CLDN16: variants seen among roughly 807,000 people sequenced by gnomAD.
The protein encoded by CLDN16 is claudin-16.
In CLDN16, 13 loss-of-function variants were observed where a neutral mutation model predicts 24.6. That is an observed-to-expected ratio of 0.53 (90% CI 0.34 to 0.84). The LOEUF (loss-of-function observed/expected upper bound fraction) is 0.84. Ranked by LOEUF, CLDN16 falls within the 40% of genes least tolerant of loss-of-function variation. CLDN16 has a pLI of 0.01. For missense variants in CLDN16, 298 were observed against 292.7 expected, an observed-to-expected ratio of 1.02 and a Z score of -0.13; for synonymous variants, 116 against 106.7, an observed-to-expected ratio of 1.09 and a Z score of -0.54.
chr3:190,308,379 T>C, the CLDN16 span: 1 of 1,613,526 alleles, frequency 6.2e-7, no homozygotes, highest in Non-Finnish European at 8.5e-7. Flanking sequence ...GTAGGGCACC[T>C]CCCAGAAGGC....
At chr3:190,395,288 A>G (rs1482425632) in intron 1 of CLDN16, among the ~76,000 whole-genome samples, 1 of 152,090 alleles carries the variant, frequency 6.6e-6, no homozygotes, top group African/African-American at 2.4e-5. Context: ...CAGAACTAAA[A>G]CAAATAAATT....
At chr3:190,311,111 G>A in the CLDN16 span, among the ~76,000 whole-genome samples, 2 of 152,246 alleles carry the variant, frequency 1.3e-5, 1 homozygote, top group Admixed American at 1.3e-4. Flanking sequence ...AAACACTATT[G>A]CTTTTGGCTT....
At chr3:190,391,958 C>G (rs551268639) in intron 1 of CLDN16, among the ~76,000 whole-genome samples, 7 of 151,806 alleles carry the variant, frequency 4.6e-5, no homozygotes, top group Middle Eastern at 3.2e-3. Flanking sequence ...CATCTTAACC[C>G]TTATTAACTG....
rs377031741 is a variant in CLDN16, at chr3:190,401,951, T to TTA, written c.115-372_115-371dup. 7.0e-3 allele frequency among the ~76,000 whole-genome samples: 1,057 copies of TTA among 151,254 alleles called. 44 individuals carry two copies. Among genetic ancestry groups the TTA allele is most frequent in the Admixed American group, 0.063 (951 of 15,164 alleles). ...AGGTGTCAACAGTTATCATCTATTG[T>TTA]TATATATATATATATTTTTTGGTGA... On this transcript the variant is annotated intron_variant, in intron 1 of 4. Transcript: ENST00000264734.
upstream of CLDN16, among the ~76,000 whole-genome samples, chr3:190,321,555 T>A (rs1344905946): frequency 6.6e-6 from 1 of 152,228 alleles, no homozygotes; most frequent in East Asian, 1.9e-4. Flanking sequence ...ATTATTTATT[T>A]AAGCGTGCAC....
At chr3:190,380,978 T>C (rs1718358893) in intron 3 of CLDN16, among the ~76,000 whole-genome samples, 1 of 151,304 alleles carries the variant, frequency 6.6e-6, no homozygotes, top group Non-Finnish European at 1.5e-5. Flanking sequence ...AGATGAACAA[T>C]GAGTGTGAGT....
chr3:190,327,679 C>T (rs1164010258), intron 1 of CLDN16, among the ~76,000 whole-genome samples: 1 of 152,150 alleles, frequency 6.6e-6, no homozygotes, highest in East Asian at 1.9e-4. Flanking sequence ...TATCAGTTAC[C>T]TCCTTTGTAT....
intron 1 of CLDN16, among the ~76,000 whole-genome samples, chr3:190,368,447 G>T (rs2108645888): frequency 6.6e-6 from 1 of 152,076 alleles, no homozygotes; most frequent in Admixed American, 6.5e-5. Context: ...ATGATCCATA[G>T]AAAGAAATGA....
At chr3:190,385,531 T>C (rs1448584130), upstream of CLDN16, among the ~76,000 whole-genome samples, 2 of 151,912 alleles carry the variant, frequency 1.3e-5, no homozygotes, top group Non-Finnish European at 2.9e-5. Context: ...ACATACAATG[T>C]TCAGTGACCA....
upstream of CLDN16, chr3:190,322,193 C>A (rs1339820363): frequency 1.1e-5 from 18 of 1,613,800 alleles, no homozygotes; most frequent in Non-Finnish European, 1.5e-5. Context: ...CAGCTGCAGC[C>A]CCGCGTTGGC....
At chr3:190,389,016 A>G (rs958919256) in intron 1 of CLDN16, among the ~76,000 whole-genome samples, 1 of 152,220 alleles carries the variant, frequency 6.6e-6, no homozygotes, top group African/African-American at 2.4e-5. Context: ...ATCCCAATGT[A>G]CGGGGGACAG....
chr3:190,370,172 A>T (rs1455848289), intron 1 of CLDN16, among the ~76,000 whole-genome samples: 6 of 151,974 alleles, frequency 3.9e-5, no homozygotes, highest in Non-Finnish European at 8.8e-5. Context: ...TTTAAGAAAT[A>T]TCTTAGAAGC....
At chr3:190,404,218 C>T (rs77136700) in intron 2 of CLDN16, among the ~76,000 whole-genome samples, 21,169 of 152,130 alleles carry the variant, frequency 0.14, 1,529 homozygotes, top group Middle Eastern at 0.21. Flanking sequence ...ATAGCACAAA[C>T]TAACTCTCCT....
chr3:190,384,245 G>C (rs1241679298), upstream of CLDN16, among the ~76,000 whole-genome samples: 1 of 152,146 alleles, frequency 6.6e-6, no homozygotes, highest in African/African-American at 2.4e-5. Context: ...GTATAAGTCA[G>C]TTTACTCCTT....
chr3:190,308,370 T>A, the CLDN16 span: 1 of 1,613,780 alleles, frequency 6.2e-7, no homozygotes, highest in Non-Finnish European at 8.5e-7. Context: ...AACAGCAAAG[T>A]AGGGCACCTC....
chr3:190,348,745 C>T (rs1167142471), intron 1 of CLDN16, among the ~76,000 whole-genome samples: 3 of 152,092 alleles, frequency 2.0e-5, no homozygotes, highest in Non-Finnish European at 4.4e-5. Context: ...GTTTGTTGTA[C>T]AGATTATTTC....
rs34203533 is a variant in CLDN16 at position 190,379,975 on chromosome 3, G to GTCTATCTATCTATCTATCTATCTA, written n.306+5389_306+5412dup. Among the ~76,000 whole-genome samples, 34 of 149,104 alleles carry GTCTATCTATCTATCTATCTATCTA rather than the reference G, an allele frequency of 2.3e-4. 1 individual carries two copies. Among genetic ancestry groups the GTCTATCTATCTATCTATCTATCTA allele is most frequent in the African/African-American group, 6.9e-4 (28 of 40,492 alleles). On this transcript the variant is annotated intron_variant and non_coding_transcript_variant, in intron 3 of 4. Transcript: ENST00000468220. ...TGATCTATCTATGTCTATCAACTCT[G>GTCTATCTATCTATCTATCTATCTA]TCTATCTATCTATCTATCTATCTAT...
At chr3:190,400,457 T>C (rs1429879221) in intron 1 of CLDN16, among the ~76,000 whole-genome samples, 1 of 152,098 alleles carries the variant, frequency 6.6e-6, no homozygotes, top group Non-Finnish European at 1.5e-5. Flanking sequence ...GATCCCGATC[T>C]CCTGACCTCT....
intron 3 of CLDN16, among the ~76,000 whole-genome samples, chr3:190,377,430 C>T (rs967376685): frequency 1.3e-5 from 2 of 151,786 alleles, no homozygotes; most frequent in African/African-American, 2.4e-5. Context: ...AGTTTGTACT[C>T]TTGGGTTCCA....
Sources: allele counts gnomAD v4.1 joint callset (sites outside exome capture counted in the v4.1 genomes callset), GRCh38; gene constraint gnomAD v4.1.1; transcripts MANE v1.5; gene names NCBI Gene and HGNC (gene_info 2026-07-23, HGNC 2026-07-21).